The following CCND3 variants were observed in gnomAD, a reference collection of about 807,000 sequenced individuals.
CCND3 encodes the protein G1/S-specific cyclin-D3.
Under a neutral mutation model 28.7 loss-of-function variants are expected in CCND3, and 9 were observed. That is an observed-to-expected ratio of 0.31 (90% CI 0.19 to 0.55). The LOEUF (loss-of-function observed/expected upper bound fraction) is 0.55, where lower values mean the gene tolerates loss of function less well. CCND3 is among the 20% of genes least tolerant of loss of function. The probability of loss-of-function intolerance (pLI) is 0.93; values close to 1 mark genes in which losing one functional copy is unlikely to be tolerated. For synonymous variants in CCND3, 164 were observed against 163.9 expected (o/e 1.00, Z 0.00); for missense variants, 315 against 385.8 (o/e 0.82, Z 1.54).
intron 1 of CCND3, among the ~76,000 whole-genome samples, chr6:41,991,185 A>C (rs1241592144): frequency 6.6e-6 from 1 of 151,688 alleles, no homozygotes; most frequent in Non-Finnish European, 1.5e-5. Context: ...CAGCCTCCCA[A>C]GTAGCTGGGG....
intron 1 of CCND3, among the ~76,000 whole-genome samples, chr6:42,035,420 T>G (rs1190396630): frequency 6.6e-6 from 1 of 152,166 alleles, no homozygotes; most frequent in Non-Finnish European, 1.5e-5. Flanking sequence ...CAGGCTGGAG[T>G]GCAGTGGCTC....
At chr6:41,947,933 C>T (rs1776210800) in intron 1 of CCND3, among the ~76,000 whole-genome samples, 1 of 152,124 alleles carries the variant, frequency 6.6e-6, no homozygotes, top group Admixed American at 6.6e-5. Context: ...AGCATCTATA[C>T]TCCCACCCCA....
At position 41,981,991 on chromosome 6, in the gene CCND3, C is replaced by T. The variant is rs547971477; in HGVS notation, c.-45-41406G>A. Among the ~76,000 whole-genome samples, 35 of 151,684 alleles carry T rather than the reference C, an allele frequency of 2.3e-4. No homozygotes were observed. The East Asian group carries it at 3.0e-3, about 13-fold the overall frequency. ...TCTCTTTAAAAAAGTCAATCATGGC[C>T]GGGCACGGTGGCTTATGCCTGCAAT... On this transcript the variant is annotated intron_variant, in intron 1 of 4. Transcript: ENST00000372988.
chr6:42,021,950 G>C (rs11751200), intron 1 of CCND3, among the ~76,000 whole-genome samples: 285 of 152,240 alleles, frequency 1.9e-3, no homozygotes, highest in African/African-American at 6.3e-3. Flanking sequence ...GCTGAAGGAG[G>C]CTGGCAGCCA....
intron 1 of CCND3, among the ~76,000 whole-genome samples, chr6:42,030,735 T>C (rs995131860): frequency 6.6e-6 from 1 of 152,164 alleles, no homozygotes; most frequent in African/African-American, 2.4e-5. Flanking sequence ...GAGTCCAGCC[T>C]GGAAGAGGCC....
intron 1 of CCND3, among the ~76,000 whole-genome samples, chr6:42,003,097 G>A (rs1465354106): frequency 6.7e-6 from 1 of 148,460 alleles, no homozygotes; most frequent in Non-Finnish European, 1.5e-5. Flanking sequence ...GGGAGGCAGA[G>A]GTTGAGGTGA....
intron 1 of CCND3, among the ~76,000 whole-genome samples, chr6:41,995,343 C>T (rs901345882): frequency 2.0e-5 from 3 of 152,002 alleles, no homozygotes; most frequent in African/African-American, 7.2e-5. Context: ...CTGCCACCTC[C>T]ACCTCCAGGG....
intron 1 of CCND3, among the ~76,000 whole-genome samples, chr6:41,993,410 CTTTTTTTT>C (rs70987558): frequency 9.8e-6 from 1 of 101,692 alleles, no homozygotes; most frequent in Non-Finnish European, 1.9e-5. Context: ...CTCATGTCTT[CTTTTTTTT>C]TTTTTTTTTT....
chr6:42,010,794 C>T (rs946792918), intron 1 of CCND3: 3 of 152,196 alleles, frequency 2.0e-5, no homozygotes, highest in Non-Finnish European at 2.9e-5. Flanking sequence ...ACATCACTGC[C>T]ATCAGCGCTG....
chr6:41,962,456 A>C (rs1761747128), intron 1 of CCND3, among the ~76,000 whole-genome samples: 1 of 152,012 alleles, frequency 6.6e-6, no homozygotes. Flanking sequence ...TTGCTCCCCA[A>C]AACCTTAAAA....
chr6:41,940,895 C>G (rs1381200720), intron 1 of CCND3: 3 of 1,497,826 alleles, frequency 2.0e-6, no homozygotes, highest in African/African-American at 1.4e-5. Flanking sequence ...GCAAGGGTCA[C>G]CCATGGTAGC....
At chr6:41,974,038 C>G (rs1239599670) in intron 1 of CCND3, among the ~76,000 whole-genome samples, 1 of 152,112 alleles carries the variant, frequency 6.6e-6, no homozygotes, top group Non-Finnish European at 1.5e-5. Context: ...CCAAAATTAG[C>G]CGGGTGTGGT....
intron 1 of CCND3, among the ~76,000 whole-genome samples, chr6:42,040,660 T>C (rs1427328594): frequency 1.3e-5 from 2 of 152,008 alleles, no homozygotes; most frequent in Non-Finnish European, 2.9e-5. Flanking sequence ...CAGACCAGAC[T>C]GGCCAACATG....
chr6:41,944,133 C>A (rs1776109226), upstream of CCND3, among the ~76,000 whole-genome samples: 1 of 151,734 alleles, frequency 6.6e-6, no homozygotes, highest in Non-Finnish European at 1.5e-5. Flanking sequence ...GAGTTGAAGA[C>A]CAGCCTGGAC....
rs2127391918 is a variant in CCND3 at position 41,938,146 on chromosome 6, C to G, written c.415-752G>C. 6.6e-6 allele frequency: 1 copy of G among 152,324 alleles called. No individual in the cohort carries two copies. Among genetic ancestry groups the G allele is most frequent in the Admixed American group, 6.5e-5 (1 of 15,288 alleles). 9.4% of individuals were successfully genotyped at this position (152,324 alleles called of 1,614,324 possible). On this transcript the variant is annotated intron_variant, in intron 2 of 4. Transcript: ENST00000372991. This position sits in a 1 kb window ranked among gnomAD's most constrained non-coding sequence, Gnocchi z 4.6. ...TGATTCCAGAGGGATCAAGCCCTAT[C>G]CTCACCTACCCAAGCCTACCTGCCA...
At chr6:41,973,940 T>C (rs1762099913) in intron 1 of CCND3, among the ~76,000 whole-genome samples, 1 of 152,184 alleles carries the variant, frequency 6.6e-6, no homozygotes, top group South Asian at 2.1e-4. Flanking sequence ...CCCAACACTT[T>C]GGGAGGCTGA....
chr6:42,007,654 G>A (rs1001450315), intron 1 of CCND3, among the ~76,000 whole-genome samples: 1 of 152,142 alleles, frequency 6.6e-6, no homozygotes, highest in African/African-American at 2.4e-5. Flanking sequence ...ATAAAATTAG[G>A]TGACGTAAAA....
intron 1 of CCND3, among the ~76,000 whole-genome samples, chr6:42,007,100 GTA>G (rs1008324380): frequency 2.6e-5 from 4 of 151,916 alleles, no homozygotes; most frequent in Admixed American, 2.0e-4. Context: ...ATACACACAT[GTA>G]TATATATACC....
intron 1 of CCND3, among the ~76,000 whole-genome samples, chr6:41,954,275 A>AAAAAAAAAAAAAAAAAAAAAAAAAAAAT: frequency 8.7e-6 from 1 of 114,958 alleles, no homozygotes; most frequent in South Asian, 3.1e-4. Flanking sequence ...AAAAAAAAAA[A>AAAAAAAAAAAAAAAAAAAAAAAAAAAAT]GGTGTGGTGG....
Sources: gnomAD v4.1 joint callset for allele counts (sites outside exome capture counted in the v4.1 genomes callset) on GRCh38, gnomAD v4.1.1 for gene constraint, Gnocchi (gnomAD v3.1) non-coding constraint, MANE v1.5 for transcripts, NCBI Gene and HGNC (gene_info 2026-07-23, HGNC 2026-07-21) for gene names.